PRPF38B: variants seen among roughly 807,000 people sequenced by gnomAD.
PRPF38B encodes pre-mRNA processing factor 38B.
A neutral mutation model predicts 67.2 loss-of-function variants in PRPF38B; 18 were observed. The observed-to-expected ratio is 0.27, with a 90% CI of 0.19 to 0.40. The LOEUF is 0.40. Ranked by LOEUF, PRPF38B falls within the 10% of genes least tolerant of loss-of-function variation. The pLI, the probability that PRPF38B is intolerant of heterozygous loss-of-function variation, is 1.00. For synonymous variants in PRPF38B, 246 were observed against 234.2 expected (o/e 1.05, Z -0.46); for missense variants, 544 against 684.9 (o/e 0.79, Z 2.30).
chr1:108,700,078 T>C lies in PRPF38B; in HGVS notation c.*58T>C. On this transcript the variant is annotated 3_prime_UTR_variant, in exon 6 of 6. Coordinates refer to ENST00000370025, the MANE Select transcript of PRPF38B (RefSeq NM_018061.4). ...CTATAAATGATTAAATCTGCTTTTT[T>C]CCCCCACGTTGAGATTGTGCAGTAG... 7 of 1,521,504 alleles carry C rather than the reference T, an allele frequency of 4.6e-6. No homozygotes were observed. The highest frequency in any genetic ancestry group is 6.1e-6 in the Non-Finnish European group (7 of 1,141,008). The allele number at this position is 1,521,504 out of a possible 1,614,324, so 94.3% of individuals were successfully genotyped here.
Position 108,692,683 on chromosome 1 carries a change from G to T in PRPF38B, c.92G>T (p.Gly31Val), listed in dbSNP as rs1659435321. Residue 31 changes from glycine (G) to valine (V), a missense_variant, in exon 1 of 6, where the codon GGC becomes GTC. Physicochemically the swap from Gly to Val is moderately radical, Grantham distance 109. Around this residue, in one of 5 missense-constraint regions of PRPF38B, gnomAD observed 70 missense variants for 58.4 expected, o/e 1.20. Coordinates refer to ENST00000370025, the MANE Select transcript of PRPF38B (RefSeq NM_018061.4). ...AAAQQQQQCG[G>V]GGATKPAVSG... ...GCTCAGCAACAGCAGCAGTGCGGCG[G>T]CGGCGGCGCTACCAAGCCGGCGGTC... 1 of 1,612,710 alleles carries T rather than the reference G, an allele frequency of 6.2e-7. No homozygotes were observed. The highest frequency in any genetic ancestry group is 2.2e-5 in the East Asian group (1 of 44,846).
In PRPF38B at chr1:108,700,189, A is replaced by T. The variant is rs1381609659; in HGVS notation, c.*169A>T. The T allele has an allele frequency of 8.5e-7, 1 of 1,175,968 alleles. No individual in the cohort carries two copies. The highest frequency in any genetic ancestry group is 1.1e-6 in the Non-Finnish European group (1 of 886,056). 72.8% of individuals were successfully genotyped at this position (1,175,968 alleles called of 1,614,324 possible). On this transcript the variant is annotated 3_prime_UTR_variant, in exon 6 of 6. Coordinates refer to ENST00000370025, the MANE Select transcript of PRPF38B (RefSeq NM_018061.4). ...GTGCCTTTGTAATTCCATTTATTGC[A>T]TTGGTGTTTTCACCCAATTGTTAAG...
chr1:108,698,547 C>A (rs888659412), intron 4 of PRPF38B, 57 bp from the exon 5 acceptor site: 7 of 1,183,452 alleles, frequency 5.9e-6, no homozygotes, highest in South Asian at 5.7e-5. Flanking sequence ...TTATAATATT[C>A]ATGTATATAT....
At chr1:108,696,236 T>G in intron 3 of PRPF38B, 41 bp from the exon 4 acceptor site, 3 of 1,610,546 alleles carry the variant, frequency 1.9e-6, no homozygotes, top group Non-Finnish European at 2.5e-6. Flanking sequence ...ATATCTCATT[T>G]TAATTCACAT....
chr1:108,695,642 C>T, intron 1 of PRPF38B, 60 bp from the exon 2 acceptor site: 2 of 1,549,704 alleles, frequency 1.3e-6, no homozygotes, highest in South Asian at 2.3e-5. Context: ...TTACTTTTAT[C>T]AGGCTTTTAA....
At position 108,699,882 on chromosome 1, in the gene PRPF38B, T is replaced by C. The variant is rs746139094; in HGVS notation, c.1503T>C (p.Ser501=). 1.2e-6 allele frequency: 2 copies of C among 1,613,954 alleles called. No homozygotes were observed. The highest frequency in any genetic ancestry group is 1.7e-5 in the Admixed American group (1 of 60,012). ...GCAAAGAAAAATCTAGAAAGCGTAG[T>C]AGAAGCAAAGAACGTTCCCACAAAC... ...SPSKEKSRKR[S]RSKERSHKRD... The change falls in exon 6 of 6, where the codon AGT becomes AGC. Residue 501 remains serine, a synonymous_variant. Transcript: ENST00000370025.
chr1:108,699,393 T>A lies in PRPF38B; in HGVS notation c.1014T>A (p.Ser338Arg). The A allele has an allele frequency of 6.2e-7, 1 of 1,612,388 alleles. No homozygotes were observed. The highest frequency in any genetic ancestry group is 8.5e-7 in the Non-Finnish European group (1 of 1,178,952). Residue 338 changes from serine to arginine, a missense_variant, in exon 6 of 6, where the codon AGT (serine) becomes AGA (arginine). Physicochemically the swap from Ser to Arg is moderately radical, Grantham distance 110. Around this residue, in one of 5 missense-constraint regions of PRPF38B, gnomAD observed 387 missense variants for 386.1 expected, o/e 1.00. Coordinates refer to ENST00000370025, the MANE Select transcript of PRPF38B (RefSeq NM_018061.4). ...RRSRSRERHR[S>R]RSRSRDRKGD... The stretch of plus-strand genomic sequence containing the variant: ...GCAGAAGTAGGGAAAGGCATAGAAG[T>A]CGCAGTCGAAGTCGTGATAGGAAAG...
chr1:108,692,360 G>T lies in PRPF38B; in HGVS notation c.-232G>T. 1.8e-6 allele frequency: 1 copy of T among 560,250 alleles called. No individual in the cohort carries two copies. The highest frequency in any genetic ancestry group is 1.9e-5 in the African/African-American group (1 of 52,156). The allele number at this position is 560,250 out of a possible 1,614,324, so 34.7% of individuals were successfully genotyped here. ...GAAGAGATCGAGCTCCCTGGCTGCC[G>T]GCTCGCCTTCTGCGTGGAGTTCTCG... is the stretch of plus-strand genomic sequence containing the variant. On this transcript the variant is annotated 5_prime_UTR_variant, in exon 1 of 6. Transcript: ENST00000370025.
At chr1:108,696,612 G>T (rs1659881492) in intron 4 of PRPF38B, 1 of 652,714 alleles carries the variant, frequency 1.5e-6, no homozygotes, top group Non-Finnish European at 2.8e-6. Flanking sequence ...TCTGTGTATT[G>T]TATTGATCCT....
Position 108,692,591 on chromosome 1 carries a change from C to T in PRPF38B, c.-1C>T. On this transcript the variant is annotated 5_prime_UTR_variant, in exon 1 of 6. Transcript: ENST00000370025. ...CCCTCCCTCCTTCCTTCCGCCGCAA[C>T]ATGGCTAACAACAGCCCCGCGCTGA... 6.4e-7 allele frequency: 1 copy of T among 1,568,840 alleles called. No homozygotes were observed. Among genetic ancestry groups the T allele is most frequent in the Non-Finnish European group, 8.6e-7 (1 of 1,158,214 alleles).
chr1:108,702,561 T>C lies in PRPF38B; in HGVS notation c.*2541T>C, dbSNP rs1184251218. On this transcript the variant is annotated 3_prime_UTR_variant, in exon 6 of 6. Coordinates refer to ENST00000370025, the MANE Select transcript of PRPF38B (RefSeq NM_018061.4). ...CTTCCTAAGAAACTGGGAAAACAAG[T>C]GGCTATGAAAGACATCTCACATTTC... 1.3e-5 allele frequency among the ~76,000 whole-genome samples: 2 copies of C among 152,100 alleles called. No individual in the cohort carries two copies. Among genetic ancestry groups the C allele is most frequent in the Non-Finnish European group, 2.9e-5 (2 of 68,010 alleles).
At position 108,699,707 on chromosome 1, in the gene PRPF38B, A is replaced by G. The variant is rs765390646; in HGVS notation, c.1328A>G (p.Asn443Ser). ...CACAGAAGTAGGAGTCGAAGTAGAA[A>G]TGCAGGGAAACGAAGTAGAAGTAGA... ...RKHRSRSRSR[N>S]AGKRSRSRSK... is the part of the protein sequence containing the mutation. Residue 443 changes from asparagine to serine, a missense_variant, in exon 6 of 6, where the codon AAT becomes AGT. Around this residue, in one of 5 missense-constraint regions of PRPF38B, gnomAD observed 387 missense variants for 386.1 expected, o/e 1.00. Transcript: ENST00000370025. 3 of 1,611,144 alleles carry G rather than the reference A, an allele frequency of 1.9e-6. No individual in the cohort carries two copies. The African/African-American group carries it at 4.0e-5, about 22-fold the overall frequency.
At chr1:108,696,015 A>G (rs1296310513) in intron 2 of PRPF38B, 28 bp from the exon 3 acceptor site, 7 of 1,602,604 alleles carry the variant, frequency 4.4e-6, no homozygotes, top group East Asian at 2.2e-5. Context: ...TTATTTTACT[A>G]CTTTTTCTTA....
intron 1 of PRPF38B, chr1:108,693,679 C>T (rs1659556502): frequency 1.1e-6 from 1 of 943,560 alleles, no homozygotes; most frequent in Non-Finnish European, 1.3e-6. Flanking sequence ...GCCATAAATG[C>T]ATTTCCCTGG....
intron 1 of PRPF38B, among the ~76,000 whole-genome samples, chr1:108,694,586 A>G (rs1409371399): frequency 2.0e-5 from 3 of 152,320 alleles, no homozygotes; most frequent in East Asian, 3.9e-4. Flanking sequence ...CATCTTTTAC[A>G]TGGCAATCTG....
At chr1:108,695,588 T>C in intron 1 of PRPF38B, 114 bp from the exon 2 acceptor site, 3 of 998,120 alleles carry the variant, frequency 3.0e-6, no homozygotes, top group Non-Finnish European at 4.5e-6. Context: ...ATATACTTAA[T>C]GCCAAAATAA....
At chr1:108,695,813 TAAC>T (rs761626914) in intron 2 of PRPF38B, 43 bp downstream of exon 2, 55 of 1,587,346 alleles carry the variant, frequency 3.5e-5, no homozygotes, top group Non-Finnish European at 4.7e-5. Context: ...CTGTGTCTAA[TAAC>T]TAAGTTTATA....
rs143101614 is a variant in PRPF38B, at chr1:108,701,809, T to C, written c.*1789T>C. 49 of 152,350 alleles carry C rather than the reference T, an allele frequency of 3.2e-4. No individual in the cohort carries two copies. The highest frequency in any genetic ancestry group is 9.6e-4 in the African/African-American group (40 of 41,586). The allele number at this position is 152,350 out of a possible 1,614,324, so 9.4% of individuals were successfully genotyped here. ...TAAATGAATTCTTCTAAAAATGATA[T>C]GCTTTTTTCTTTTTTAAGAAAATTC... is the stretch of plus-strand genomic sequence containing the variant. On this transcript the variant is annotated 3_prime_UTR_variant, in exon 6 of 6. Coordinates refer to ENST00000370025, the MANE Select transcript of PRPF38B (RefSeq NM_018061.4).
At position 108,692,364 on chromosome 1, in the gene PRPF38B, C is replaced by T. The variant is rs1294088201; in HGVS notation, c.-228C>T. On this transcript the variant is annotated 5_prime_UTR_variant, in exon 1 of 6. Coordinates refer to ENST00000370025, the MANE Select transcript of PRPF38B (RefSeq NM_018061.4). ...AGATCGAGCTCCCTGGCTGCCGGCT[C>T]GCCTTCTGCGTGGAGTTCTCGCGGT... 7.1e-6 allele frequency: 4 copies of T among 563,674 alleles called. No individual in the cohort carries two copies. Among genetic ancestry groups the T allele is most frequent in the Admixed American group, 3.3e-5 (1 of 30,164 alleles). The allele number at this position is 563,674 out of a possible 1,614,324, so 34.9% of individuals were successfully genotyped here.
Sources: allele counts gnomAD v4.1 joint callset (sites outside exome capture counted in the v4.1 genomes callset), GRCh38; gene constraint gnomAD v4.1.1; regional missense constraint gnomAD v4.1.1; transcripts MANE v1.5; gene names NCBI Gene and HGNC (gene_info 2026-07-23, HGNC 2026-07-21).